The following YEATS4 variants were observed in gnomAD, a reference collection of about 807,000 sequenced individuals.
YEATS4 encodes the protein YEATS domain-containing protein 4.
In YEATS4, 17 loss-of-function variants were observed where a neutral mutation model predicts 30.1. That is an observed-to-expected ratio of 0.56 (90% confidence interval 0.39 to 0.85). The LOEUF (loss-of-function observed/expected upper bound fraction) is 0.85, where lower values mean the gene tolerates loss of function less well. Ranked by LOEUF, YEATS4 falls within the 40% of genes least tolerant of loss-of-function variation. The pLI, the probability that YEATS4 is intolerant of heterozygous loss-of-function variation, is 0.00. For missense variants in YEATS4, 142 were observed against 268.3 expected (o/e 0.53, Z 3.29); for synonymous variants, 85 against 87.5 (o/e 0.97, Z 0.16).
intron 6 of YEATS4, among the ~76,000 whole-genome samples, chr12:69,388,209 C>T (rs930071286): frequency 1.3e-5 from 2 of 152,070 alleles, no homozygotes; most frequent in African/African-American, 4.8e-5. Flanking sequence ...TACAAGTGCT[C>T]GCCACCATGC....
chr12:69,415,820 G>C, the YEATS4 span, among the ~76,000 whole-genome samples: 1 of 152,288 alleles, frequency 6.6e-6, no homozygotes, highest in African/African-American at 2.4e-5. Flanking sequence ...AGGGCAGTGG[G>C]CAAGAAGAAC....
chr12:69,412,800 C>G, the YEATS4 span, among the ~76,000 whole-genome samples: 1 of 152,024 alleles, frequency 6.6e-6, no homozygotes, highest in East Asian at 1.9e-4. Context: ...CTGAAGATGG[C>G]TGTGTGATGA....
rs985273413 is a variant in YEATS4, at chr12:69,359,971, A to G, written c.-2A>G. 12 of 1,612,554 alleles carry G rather than the reference A, an allele frequency of 7.4e-6. No homozygotes were observed. Among genetic ancestry groups the G allele is most frequent in the East Asian group, 2.2e-5 (1 of 44,700 alleles). On this transcript the variant is annotated 5_prime_UTR_variant, in exon 1 of 7. Transcript: ENST00000247843. ...CGGCGGCGGCTTCTTCCGTGGGACA[A>G]TATGTTCAAGAGAATGGCCGAATTT...
chr12:69,364,650 T>C (rs777424137), intron 2 of YEATS4, among the ~76,000 whole-genome samples: 5 of 152,202 alleles, frequency 3.3e-5, no homozygotes, highest in Non-Finnish European at 7.4e-5. Context: ...ATGGAGTTTC[T>C]CTCTTATTGC....
At chr12:69,384,366 A>G (rs994573402) in intron 6 of YEATS4, among the ~76,000 whole-genome samples, 2 of 152,240 alleles carry the variant, frequency 1.3e-5, no homozygotes, top group Non-Finnish European at 2.9e-5. Flanking sequence ...AAAAGGCTAT[A>G]AATCTGTTTC....
the YEATS4 span, among the ~76,000 whole-genome samples, chr12:69,412,194 G>C: frequency 6.6e-6 from 1 of 152,182 alleles, no homozygotes; most frequent in South Asian, 2.1e-4. Flanking sequence ...GGGTGCTGTG[G>C]CAACCAACTT....
intron 6 of YEATS4, among the ~76,000 whole-genome samples, chr12:69,374,082 G>C (rs1047829163): frequency 6.6e-6 from 1 of 151,688 alleles, no homozygotes; most frequent in East Asian, 1.9e-4. Flanking sequence ...TTCTTTTTGC[G>C]GAGGATAACT....
chr12:69,395,486 T>C (rs1868344843), downstream of YEATS4, among the ~76,000 whole-genome samples: 1 of 152,192 alleles, frequency 6.6e-6, no homozygotes, highest in South Asian at 2.1e-4. Context: ...TTAATTTTTA[T>C]AAGTAATATG....
In YEATS4 at chr12:69,390,149, G is replaced by T. The variant is rs765746968; in HGVS notation, c.517G>T (p.Ala173Ser). ...GTAAAAGTATTTGTTTTCTTTAGTT[G>T]CAGAGCTTGAAGTGAAAACCAGAGA... ...LGAYKHETEF[A>S]ELEVKTREKL... Residue 173 changes from alanine (A) to serine (S), a missense_variant and splice_region_variant, in exon 7 of 7, where the codon GCA (alanine) becomes TCA (serine). Transcript: ENST00000247843. 1 of 1,573,728 alleles carries T rather than the reference G, an allele frequency of 6.4e-7. No homozygotes were observed.
At chr12:69,367,499 T>C (rs1397551008) in intron 4 of YEATS4, among the ~76,000 whole-genome samples, 2 of 152,124 alleles carry the variant, frequency 1.3e-5, no homozygotes, top group Non-Finnish European at 2.9e-5. Flanking sequence ...CCCCAGTAGA[T>C]GGGACCACAG....
chr12:69,407,452 T>C, the YEATS4 span, among the ~76,000 whole-genome samples: 1 of 152,102 alleles, frequency 6.6e-6, no homozygotes, highest in Non-Finnish European at 1.5e-5. Flanking sequence ...ACACTTTTGA[T>C]CTAGAATTCT....
intron 6 of YEATS4, among the ~76,000 whole-genome samples, chr12:69,376,539 T>TA (rs1480530084): frequency 2.0e-5 from 3 of 152,254 alleles, no homozygotes; most frequent in African/African-American, 7.2e-5. Flanking sequence ...GAGCGATTCT[T>TA]ACATCCCTGG....
chr12:69,360,063 C>T (rs751737168), intron 1 of YEATS4, 40 bp downstream of exon 1: 7 of 1,604,380 alleles, frequency 4.4e-6, no homozygotes, highest in South Asian at 1.1e-5. Context: ...GTGGCTCTCC[C>T]GCCTCGGTTC....
intron 6 of YEATS4, among the ~76,000 whole-genome samples, chr12:69,375,322 C>T (rs1336703720): frequency 2.0e-5 from 3 of 146,500 alleles, no homozygotes; most frequent in Non-Finnish European, 3.0e-5. Context: ...GGGGCAGAGG[C>T]GCTCCCCACA....
downstream of YEATS4, among the ~76,000 whole-genome samples, chr12:69,391,475 G>A (rs1403559427): frequency 6.6e-6 from 1 of 152,056 alleles, no homozygotes; most frequent in African/African-American, 2.4e-5. Flanking sequence ...AATCTTTAAA[G>A]GTATGTTGGC....
the YEATS4 span, among the ~76,000 whole-genome samples, chr12:69,420,934 A>G: frequency 1.3e-5 from 2 of 152,128 alleles, no homozygotes; most frequent in African/African-American, 2.4e-5. Flanking sequence ...TTCATTTGGC[A>G]TAGTGTTTTT....
chr12:69,395,638 A>G (rs1274242793), downstream of YEATS4, among the ~76,000 whole-genome samples: 4 of 152,268 alleles, frequency 2.6e-5, no homozygotes, highest in African/African-American at 9.6e-5. Context: ...TGAGTGAAAG[A>G]GAATAAAAAT....
At chr12:69,376,918 A>T (rs538766094) in intron 6 of YEATS4, among the ~76,000 whole-genome samples, 1 of 152,056 alleles carries the variant, frequency 6.6e-6, no homozygotes, top group Non-Finnish European at 1.5e-5. Flanking sequence ...TTTCTTCATG[A>T]TTCAATCTTG....
the YEATS4 span, among the ~76,000 whole-genome samples, chr12:69,413,371 A>C: frequency 2.2e-4 from 31 of 139,328 alleles, no homozygotes; most frequent in Middle Eastern, 7.5e-3. Flanking sequence ...AAAAAAAAAA[A>C]AAACTACTAA....
Sources: gnomAD v4.1 joint callset for allele counts (sites outside exome capture counted in the v4.1 genomes callset) on GRCh38, gnomAD v4.1.1 for gene constraint, MANE v1.5 for transcripts, NCBI Gene and HGNC (gene_info 2026-07-23, HGNC 2026-07-21) for gene names.